Variants in TSPAN15 observed in about 807,000 individuals in gnomAD.
TSPAN15 encodes the protein tetraspanin-15.
TSPAN15 carries 20 observed loss-of-function variants against 34.5 expected under a neutral mutation model. The ratio of observed to expected loss-of-function variants is 0.58; its 90% CI spans 0.41 to 0.84. The LOEUF is 0.84. Ranked by LOEUF, TSPAN15 falls within the 40% of genes least tolerant of loss-of-function variation. The pLI is 0.00. For synonymous variants in TSPAN15, 155 were observed against 153.9 expected (o/e 1.01, Z -0.05); for missense variants, 313 against 386.1 (o/e 0.81, Z 1.59).
intron 4 of TSPAN15, among the ~76,000 whole-genome samples, chr10:69,497,351 C>T (rs565850021): frequency 2.0e-5 from 3 of 152,292 alleles, no homozygotes; most frequent in East Asian, 1.9e-4. Flanking sequence ...CAGCCTGTGC[C>T]GCCCTTTCAT....
At chr10:69,545,416 G>A in the TSPAN15 span, among the ~76,000 whole-genome samples, 5 of 152,180 alleles carry the variant, frequency 3.3e-5, no homozygotes, top group Non-Finnish European at 5.9e-5. Context: ...GAGACTCAGG[G>A]GCACCCCTAA....
chr10:69,507,456 T>C lies in TSPAN15; in HGVS notation c.*478T>C. 7.7e-7 allele frequency: 1 copy of C among 1,298,990 alleles called. No individual in the cohort carries two copies. The allele number at this position is 1,298,990 out of a possible 1,614,324, so 80.5% of individuals were successfully genotyped here. A position where few individuals can be genotyped will look rare whatever the true frequency, so the allele number is the denominator to read the frequency against. ...CGCCCATGGCCAGGTTGGCCTCTTCTCAGCCTCCCAGGTGCCTTGAGCCCT... is the reference window on the plus strand; with the variant it reads ...CGCCCATGGCCAGGTTGGCCTCTTCCCAGCCTCCCAGGTGCCTTGAGCCCT... On this transcript the variant is annotated 3_prime_UTR_variant, in exon 8 of 8. Coordinates refer to ENST00000373290, the MANE Select transcript of TSPAN15 (RefSeq NM_012339.5).
chr10:69,476,525 T>G (rs886586252), intron 1 of TSPAN15, among the ~76,000 whole-genome samples: 9 of 148,888 alleles, frequency 6.0e-5, no homozygotes, highest in Non-Finnish European at 1.3e-4. Flanking sequence ...CCACTGCACT[T>G]CAGCCTGGAT....
At chr10:69,500,642 A>G (rs896982848) in intron 5 of TSPAN15, among the ~76,000 whole-genome samples, 1 of 152,124 alleles carries the variant, frequency 6.6e-6, no homozygotes, top group Non-Finnish European at 1.5e-5. Flanking sequence ...CACTGAGGAG[A>G]GGGCAGTCTT....
the TSPAN15 span, among the ~76,000 whole-genome samples, chr10:69,540,729 G>C: frequency 6.6e-6 from 1 of 152,272 alleles, no homozygotes; most frequent in East Asian, 1.9e-4. Context: ...TGGACTCTCT[G>C]AGATGGGGTC....
At chr10:69,508,222 C>A (rs143953244), downstream of TSPAN15, among the ~76,000 whole-genome samples, 6 of 151,822 alleles carry the variant, frequency 4.0e-5, no homozygotes, top group Non-Finnish European at 7.4e-5. Context: ...GGTGGGCCAT[C>A]ACGAGGTCAG....
chr10:69,485,539 G>T (rs1039295647), intron 3 of TSPAN15, among the ~76,000 whole-genome samples: 1 of 152,132 alleles, frequency 6.6e-6, no homozygotes, highest in African/African-American at 2.4e-5. Context: ...CGTGGCTGAG[G>T]GTAGGTGGGG....
At chr10:69,494,485 A>T in intron 3 of TSPAN15, 1 of 206,210 alleles carries the variant, frequency 4.8e-6, no homozygotes, top group Non-Finnish European at 8.5e-6. Flanking sequence ...CTCAGAAGTT[A>T]AAAGAAGTAG....
chr10:69,533,441 CACTG>C, the TSPAN15 span, among the ~76,000 whole-genome samples: 1 of 152,118 alleles, frequency 6.6e-6, no homozygotes, highest in South Asian at 2.1e-4. Flanking sequence ...CGTTTGTTCT[CACTG>C]ACATGTGGGA....
intron 3 of TSPAN15, among the ~76,000 whole-genome samples, chr10:69,492,964 C>A (rs1286834810): frequency 2.0e-5 from 3 of 152,202 alleles, no homozygotes; most frequent in African/African-American, 7.2e-5. Flanking sequence ...TGGCCTTAGG[C>A]AAGGCCCTGA....
At chr10:69,528,342 G>A in the TSPAN15 span, among the ~76,000 whole-genome samples, 8,236 of 148,660 alleles carry the variant, frequency 0.055, 896 homozygotes, top group Admixed American at 0.078. Context: ...CTCTGGCTGG[G>A]GAGCTCCCAG....
chr10:69,460,748 T>C (rs567515846), intron 1 of TSPAN15, among the ~76,000 whole-genome samples: 1 of 152,210 alleles, frequency 6.6e-6, no homozygotes, highest in African/African-American at 2.4e-5. Flanking sequence ...TTGGGAGGAC[T>C]CTGAGGGCTT....
chr10:69,467,252 A>G (rs1841403982), intron 1 of TSPAN15, among the ~76,000 whole-genome samples: 1 of 152,146 alleles, frequency 6.6e-6, no homozygotes, highest in African/African-American at 2.4e-5. Context: ...TGTAATAGGT[A>G]GGTTCCCATT....
chr10:69,540,170 A>T, the TSPAN15 span, among the ~76,000 whole-genome samples: 2 of 151,802 alleles, frequency 1.3e-5, no homozygotes, highest in Non-Finnish European at 2.9e-5. Context: ...AGGTGGGTGG[A>T]TCATGAGGTC....
chr10:69,507,101 C>A lies in TSPAN15; in HGVS notation c.*123C>A. 1 of 1,484,880 alleles carries A rather than the reference C, an allele frequency of 6.7e-7. No homozygotes were observed. The allele number at this position is 1,484,880 out of a possible 1,614,324, so 92.0% of individuals were successfully genotyped here. On this transcript the variant is annotated 3_prime_UTR_variant, in exon 8 of 8. Transcript: ENST00000373290. ...CACTCAGTACTGACCAAAGCCAGGGCTGTGTGTGCCTGTGTGTAGGTCCCA... is the reference window on the plus strand; with the variant it reads ...CACTCAGTACTGACCAAAGCCAGGGATGTGTGTGCCTGTGTGTAGGTCCCA...
intron 1 of TSPAN15, among the ~76,000 whole-genome samples, chr10:69,456,811 A>G (rs1729339254): frequency 6.6e-6 from 1 of 152,308 alleles, no homozygotes; most frequent in South Asian, 2.1e-4. Context: ...GTAAGTCCCT[A>G]TGATAGGTAT....
At chr10:69,539,426 AAAG>A in the TSPAN15 span, among the ~76,000 whole-genome samples, 23 of 111,956 alleles carry the variant, frequency 2.1e-4, no homozygotes, top group African/African-American at 4.7e-4. Context: ...GAAGAAGAAG[AAAG>A]AAGAAGAAGA....
At chr10:69,473,813 C>T (rs890061598) in intron 1 of TSPAN15, among the ~76,000 whole-genome samples, 4 of 152,186 alleles carry the variant, frequency 2.6e-5, no homozygotes, top group Middle Eastern at 3.4e-3. Flanking sequence ...AGGCCCTGCA[C>T]GTTCCAGACA....
chr10:69,484,314 G>T (rs73275764), intron 2 of TSPAN15, among the ~76,000 whole-genome samples: 1 of 152,146 alleles, frequency 6.6e-6, no homozygotes, highest in African/African-American at 2.4e-5. Context: ...CACTGCCGGC[G>T]TCAGGCCAAC....
Sources: gnomAD v4.1 joint callset for allele counts (sites outside exome capture counted in the v4.1 genomes callset) on GRCh38, gnomAD v4.1.1 for gene constraint, MANE v1.5 for transcripts, NCBI Gene and HGNC (gene_info 2026-07-23, HGNC 2026-07-21) for gene names.